The following ROBO2 variants were observed in gnomAD, a reference collection of about 807,000 sequenced individuals.
ROBO2 encodes the protein roundabout homolog 2.
Under a neutral mutation model 160.8 loss-of-function variants are expected in ROBO2, and 53 were observed. The observed-to-expected ratio is 0.33, with a 90% confidence interval of 0.26 to 0.41. ROBO2 has a LOEUF of 0.41. Ranked by LOEUF, ROBO2 falls within the 10% of genes least tolerant of loss-of-function variation. ROBO2 has a pLI of 1.00. For missense variants in ROBO2, 1,577 were observed against 1,722.4 expected (o/e 0.92, Z 1.49); for synonymous variants, 664 against 611.7 (o/e 1.09, Z -1.26).
chr3:77,150,861 G>A (rs1313474242), intron 2 of ROBO2, among the ~76,000 whole-genome samples: 1 of 152,072 alleles, frequency 6.6e-6, no homozygotes, highest in African/African-American at 2.4e-5. Flanking sequence ...GAATGTTATA[G>A]GGAAGGAAAA....
chr3:77,119,417 A>T (rs181140910), intron 2 of ROBO2, among the ~76,000 whole-genome samples: 1 of 152,218 alleles, frequency 6.6e-6, no homozygotes, highest in Non-Finnish European at 1.5e-5. Flanking sequence ...TGTTTGAAAC[A>T]TCATTACATG....
At chr3:77,247,827 T>C (rs2089904365) in intron 2 of ROBO2, among the ~76,000 whole-genome samples, 1 of 152,334 alleles carries the variant, frequency 6.6e-6, no homozygotes, top group East Asian at 1.9e-4. Context: ...AGTAAAAGAA[T>C]GTTATTAAAT....
At chr3:76,325,201 A>G (rs183606687) in intron 2 of ROBO2, among the ~76,000 whole-genome samples, 1 of 152,340 alleles carries the variant, frequency 6.6e-6, no homozygotes, top group African/African-American at 2.4e-5. Flanking sequence ...TACAATGTAA[A>G]CGCTCTGCTG....
chr3:76,276,416 A>G (rs1026320451), intron 2 of ROBO2, among the ~76,000 whole-genome samples: 31 of 152,096 alleles, frequency 2.0e-4, no homozygotes, highest in African/African-American at 7.0e-4. Flanking sequence ...CCACTTCGCT[A>G]CTTTACTGAA....
intron 6 of ROBO2, among the ~76,000 whole-genome samples, chr3:77,526,209 A>G (rs983924349): frequency 6.6e-5 from 10 of 151,486 alleles, no homozygotes; most frequent in Admixed American, 5.9e-4. Context: ...CCCTGTTTTA[A>G]TTGTGAATAA....
intron 2 of ROBO2, among the ~76,000 whole-genome samples, chr3:76,113,005 T>A (rs1387249): frequency 0.041 from 6,264 of 152,178 alleles, 346 homozygotes; most frequent in African/African-American, 0.12. Flanking sequence ...TCAGCATGAA[T>A]CGGTTGACAC....
At chr3:76,305,473 A>T (rs1320576054) in intron 2 of ROBO2, among the ~76,000 whole-genome samples, 5 of 148,326 alleles carry the variant, frequency 3.4e-5, no homozygotes. Flanking sequence ...GGCTACAAGA[A>T]TCATCGGCAG....
chr3:77,417,240 T>C (rs36077547), intron 2 of ROBO2, among the ~76,000 whole-genome samples: 1 of 138,764 alleles, frequency 7.2e-6, no homozygotes, highest in East Asian at 2.2e-4. Flanking sequence ...ACTTTTTTTT[T>C]TTTTTTTTGG....
At position 76,297,437 on chromosome 3, in the gene ROBO2, A is replaced by G. The variant is rs146735540; in HGVS notation, c.109+359835A>G. ...AACGAGAGTGAGGCATTATTTGGCC[A>G]CTTAAATGTTAATTGTTATCATGTA... is the stretch of plus-strand genomic sequence containing the variant. On this transcript the variant is annotated intron_variant, in intron 2 of 26. Coordinates refer to the ROBO2 transcript ENST00000487694. Among the ~76,000 whole-genome samples, 338 of 152,294 alleles carry G rather than the reference A, an allele frequency of 2.2e-3. 7 individuals carry two copies. In the East Asian group the frequency reaches 0.059, roughly 27 times the overall value.
At chr3:76,086,135 T>C (rs2108061181) in intron 2 of ROBO2, among the ~76,000 whole-genome samples, 1 of 152,202 alleles carries the variant, frequency 6.6e-6, no homozygotes, top group Middle Eastern at 3.4e-3. Context: ...GGGGTTTAAT[T>C]GACTCACAGT....
intron 2 of ROBO2, among the ~76,000 whole-genome samples, chr3:77,216,526 G>A (rs1324548625): frequency 1.3e-5 from 2 of 152,104 alleles, no homozygotes; most frequent in Non-Finnish European, 1.5e-5. Flanking sequence ...GTGCTTCCTG[G>A]GTGAGGCGAT....
chr3:77,014,010 C>T (rs2062074629), intron 2 of ROBO2, among the ~76,000 whole-genome samples: 2 of 151,994 alleles, frequency 1.3e-5, no homozygotes, highest in Admixed American at 1.3e-4. Flanking sequence ...TTTAAATGCA[C>T]TGAATTTTTT....
intron 2 of ROBO2, among the ~76,000 whole-genome samples, chr3:76,294,305 A>C (rs1192377490): frequency 6.6e-6 from 1 of 151,980 alleles, no homozygotes; most frequent in Non-Finnish European, 1.5e-5. Context: ...CTTCCAACTC[A>C]GAAGGGAAAG....
intron 2 of ROBO2, among the ~76,000 whole-genome samples, chr3:76,778,781 T>G (rs1392994962): frequency 6.6e-6 from 1 of 151,078 alleles, no homozygotes; most frequent in Non-Finnish European, 1.5e-5. Context: ...ACAGTTCAAT[T>G]CCCATCACCA....
chr3:76,040,965 G>A (rs2067254826), intron 2 of ROBO2, among the ~76,000 whole-genome samples: 1 of 151,896 alleles, frequency 6.6e-6, no homozygotes, highest in Non-Finnish European at 1.5e-5. Flanking sequence ...CTTCAGCCTG[G>A]GTGACAGAGT....
At chr3:76,730,015 G>T (rs1039380404) in intron 2 of ROBO2, among the ~76,000 whole-genome samples, 2 of 152,042 alleles carry the variant, frequency 1.3e-5, no homozygotes, top group African/African-American at 4.8e-5. Flanking sequence ...TACTTTCTTA[G>T]TTTGGGAATA....
intron 2 of ROBO2, among the ~76,000 whole-genome samples, chr3:76,057,388 A>C (rs2067884876): frequency 6.6e-6 from 1 of 152,182 alleles, no homozygotes; most frequent in Non-Finnish European, 1.5e-5. Flanking sequence ...AACATTTAGA[A>C]TCTTCGGAAG....
intron 2 of ROBO2, among the ~76,000 whole-genome samples, chr3:75,954,757 T>C (rs1948667375): frequency 6.6e-6 from 1 of 151,876 alleles, no homozygotes; most frequent in Non-Finnish European, 1.5e-5. Flanking sequence ...CTTAATATGT[T>C]TTACCCAAGA....
At position 77,468,799 on chromosome 3, in the gene ROBO2, T is replaced by A. The variant is rs965427933; in HGVS notation, c.389-8615T>A. Among the ~76,000 whole-genome samples the A allele has an allele frequency of 5.3e-5, 8 of 152,304 alleles. No homozygotes were observed. The East Asian group carries it at 9.7e-4, about 18-fold the overall frequency. On this transcript the variant is annotated intron_variant, in intron 2 of 25. Transcript: ENST00000461745. ...TGGTTTATCTGGATCATTTGCTCAG[T>A]GAATGTGCCTGTGCACAGAATCTCA...
Sources: gnomAD v4.1 joint callset for allele counts (sites outside exome capture counted in the v4.1 genomes callset) on GRCh38, gnomAD v4.1.1 for gene constraint, MANE v1.5 for transcripts, NCBI Gene and HGNC (gene_info 2026-07-23, HGNC 2026-07-21) for gene names.